RALY: variants seen among roughly 807,000 people sequenced by gnomAD.
The protein encoded by RALY is RALY heterogeneous nuclear ribonucleoprotein, also known as RNA-binding protein Raly.
A neutral mutation model predicts 30.7 loss-of-function variants in RALY; 15 were observed. The observed-to-expected ratio is 0.49, with a 90% CI of 0.33 to 0.75. RALY has a LOEUF of 0.75. Among genes scored for constraint, RALY ranks in the 30% least tolerant of loss-of-function variants. The pLI, the probability that RALY is intolerant of heterozygous loss-of-function variation, is 0.02. For missense variants in RALY, 339 were observed against 414.3 expected, an observed-to-expected ratio of 0.82 and a Z score of 1.58; for synonymous variants, 177 against 170.8, an observed-to-expected ratio of 1.04 and a Z score of -0.28.
chr20:34,001,989 G>A (rs2030940031), intron 1 of RALY, among the ~76,000 whole-genome samples: 1 of 152,102 alleles, frequency 6.6e-6, no homozygotes, highest in South Asian at 2.1e-4. Flanking sequence ...GGATGGTCTC[G>A]ATCTCCTGAC....
intron 1 of RALY, among the ~76,000 whole-genome samples, chr20:34,011,981 G>T (rs2031415731): frequency 6.6e-6 from 1 of 151,662 alleles, no homozygotes; most frequent in South Asian, 2.1e-4. Context: ...CATGAGAATC[G>T]TTTGAACCCA....
intron 1 of RALY, among the ~76,000 whole-genome samples, chr20:34,030,873 T>C (rs1055573225): frequency 6.6e-6 from 1 of 152,200 alleles, no homozygotes; most frequent in Non-Finnish European, 1.5e-5. Context: ...GATCTTTTCA[T>C]GTCTTACCCC....
chr20:34,069,088 A>G (rs2033656578), intron 2 of RALY, among the ~76,000 whole-genome samples: 1 of 152,166 alleles, frequency 6.6e-6, no homozygotes, highest in South Asian at 2.1e-4. Flanking sequence ...TCTCCTCTAC[A>G]GATCAGAAAA....
At chr20:34,037,622 A>C (rs1246525482) in intron 2 of RALY, among the ~76,000 whole-genome samples, 3 of 152,168 alleles carry the variant, frequency 2.0e-5, no homozygotes, top group Non-Finnish European at 4.4e-5. Context: ...CCTCATCTAT[A>C]AACAAGGAAT....
At chr20:34,053,183 C>T (rs576637133) in intron 2 of RALY, among the ~76,000 whole-genome samples, 9 of 151,776 alleles carry the variant, frequency 5.9e-5, no homozygotes, top group African/African-American at 1.9e-4. Context: ...TTTAAATTTG[C>T]AAGTTTATAT....
At chr20:34,012,944 C>G (rs2031464308) in intron 1 of RALY, among the ~76,000 whole-genome samples, 1 of 152,176 alleles carries the variant, frequency 6.6e-6, no homozygotes, top group African/African-American at 2.4e-5. Context: ...GATTTTTTGA[C>G]TTTATGTTGG....
chr20:34,076,617 G>T, intron 6 of RALY, 85 bp from the exon 7 acceptor site: 1 of 1,196,842 alleles, frequency 8.4e-7, no homozygotes, highest in East Asian at 2.4e-5. Context: ...CTGCTTTCCT[G>T]GTTGAAAGAA....
intron 8 of RALY, chr20:34,077,595 G>A: frequency 2.6e-6 from 1 of 384,878 alleles, no homozygotes; most frequent in African/African-American, 2.1e-5. Context: ...GGAGGCCACA[G>A]CCAGGAGGTG....
intron 1 of RALY, among the ~76,000 whole-genome samples, chr20:33,996,361 G>C (rs2030630227): frequency 1.3e-5 from 2 of 152,168 alleles, no homozygotes; most frequent in African/African-American, 4.8e-5. Context: ...GGCTATGAAA[G>C]TGCTTTATAG....
At chr20:34,006,304 A>AT (rs1371328516) in intron 1 of RALY, among the ~76,000 whole-genome samples, 1 of 152,216 alleles carries the variant, frequency 6.6e-6, no homozygotes. Context: ...CAGCTATCAT[A>AT]TTTTGTCCTT....
intron 1 of RALY, among the ~76,000 whole-genome samples, chr20:33,999,290 C>T (rs925494565): frequency 1.3e-5 from 2 of 151,986 alleles, no homozygotes; most frequent in Admixed American, 1.3e-4. Flanking sequence ...GAAGAAGGAG[C>T]ACGTAAGGGA....
intron 2 of RALY, among the ~76,000 whole-genome samples, chr20:34,044,885 CA>C (rs1464466972): frequency 2.0e-5 from 3 of 152,132 alleles, no homozygotes; most frequent in Non-Finnish European, 4.4e-5. Context: ...CAGTAATGAA[CA>C]AAACAAGGAC....
chr20:34,015,980 C>G (rs2031593442), intron 1 of RALY, among the ~76,000 whole-genome samples: 1 of 152,150 alleles, frequency 6.6e-6, no homozygotes, highest in African/African-American at 2.4e-5. Flanking sequence ...ACACCCCTGT[C>G]CCACTGTCTT....
At chr20:34,076,653 C>T (rs749199225) in intron 6 of RALY, 49 bp from the exon 7 acceptor site, 1 of 1,517,828 alleles carries the variant, frequency 6.6e-7, no homozygotes, top group Non-Finnish European at 9.1e-7. Flanking sequence ...GTGCTAGTGT[C>T]AAGCCTCCAG....
chr20:33,998,420 A>G (rs973821652), intron 1 of RALY, among the ~76,000 whole-genome samples: 1 of 152,246 alleles, frequency 6.6e-6, no homozygotes, highest in Non-Finnish European at 1.5e-5. Flanking sequence ...CAGTAAGTTC[A>G]GAAATGGTGA....
At chr20:34,076,672 G>A (rs1359824378) in intron 6 of RALY, 30 bp from the exon 7 acceptor site, 2 of 1,594,136 alleles carry the variant, frequency 1.3e-6, no homozygotes, top group African/African-American at 2.7e-5. Flanking sequence ...AGCCCCCTAG[G>A]TGACAGCCCT....
chr20:34,002,192 C>T (rs1383695422), intron 1 of RALY, among the ~76,000 whole-genome samples: 1 of 152,196 alleles, frequency 6.6e-6, no homozygotes, highest in Non-Finnish European at 1.5e-5. Flanking sequence ...GTGCGTGAAT[C>T]AGTTGAGCAC....
chr20:33,998,421 G>A (rs1186038748), intron 1 of RALY, among the ~76,000 whole-genome samples: 1 of 152,204 alleles, frequency 6.6e-6, no homozygotes, highest in Non-Finnish European at 1.5e-5. Context: ...AGTAAGTTCA[G>A]AAATGGTGAT....
At chr20:34,017,983 C>T (rs531268073) in intron 1 of RALY, among the ~76,000 whole-genome samples, 1 of 152,102 alleles carries the variant, frequency 6.6e-6, no homozygotes, top group Non-Finnish European at 1.5e-5. Flanking sequence ...TGGGGGTTCT[C>T]CTAGGGGATG....
Sources: gnomAD v4.1 joint callset for allele counts (sites outside exome capture counted in the v4.1 genomes callset) on GRCh38, gnomAD v4.1.1 for gene constraint, MANE v1.5 for transcripts, NCBI Gene and HGNC (gene_info 2026-07-23, HGNC 2026-07-21) for gene names.